Variants in PRSS55 observed in about 807,000 individuals in gnomAD.
PRSS55 encodes serine protease 55.
A neutral mutation model predicts 23.6 loss-of-function variants in PRSS55; 41 were observed. The observed-to-expected ratio is 1.74, with a 90% CI of 1.35 to 2.26. The LOEUF is 2.26. Among genes scored for constraint, PRSS55 ranks in the 30% most tolerant of loss-of-function variants. PRSS55 has a pLI of 0.00. For synonymous variants in PRSS55, 262 were observed against 175.5 expected, an observed-to-expected ratio of 1.49 and a Z score of -3.90; for missense variants, 669 against 439.1, an observed-to-expected ratio of 1.52 and a Z score of -4.68.
At chr8:10,541,660 ATCTC>A (rs1401951474), downstream of PRSS55, 1 of 152,088 alleles carries the variant, frequency 6.6e-6, no homozygotes. Context: ...TATCTAATCT[ATCTC>A]TCCTGTTTTT....
exon 5 of PRSS55, chr8:10,554,069 G>C: frequency 7.2e-7 from 1 of 1,382,644 alleles, no homozygotes; most frequent in Non-Finnish European, 9.8e-7. Context: ...CCATTTTTGG[G>C]GCAGAAAACA....
chr8:10,529,515 G>C lies in PRSS55; in HGVS notation c.163G>C (p.Asp55His). 6.2e-7 allele frequency: 1 copy of C among 1,614,140 alleles called. No homozygotes were observed. The highest frequency in any genetic ancestry group is 2.2e-5 in the East Asian group (1 of 44,890). Reference protein sequence around the residue: ...HPPSPVSECGDRSIFEGRTRY... With the variant: ...HPPSPVSECGHRSIFEGRTRY... ...CTCTTTCTTTCCACCAGAATGTGGT[G>C]ACAGATCTATTTTCGAGGGAAGAAC... The change falls in exon 2 of 5, where the codon GAC becomes CAC. Residue 55 changes from aspartate to histidine, a missense_variant. Coordinates refer to ENST00000328655, the MANE Select transcript of PRSS55 (RefSeq NM_198464.4).
chr8:10,538,437 G>T, intron 4 of PRSS55, 39 bp from the exon 5 acceptor site: 1 of 1,513,430 alleles, frequency 6.6e-7, no homozygotes, highest in South Asian at 1.2e-5. Context: ...GGGCAGCTTA[G>T]AACCGGACTC....
chr8:10,536,567 A>G (rs143435912), intron 4 of PRSS55, among the ~76,000 whole-genome samples: 255 of 152,328 alleles, frequency 1.7e-3, no homozygotes, highest in African/African-American at 5.6e-3. Flanking sequence ...ATGCATGCAT[A>G]TGTTCGTCAC....
At chr8:10,541,797 C>T (rs935410606), downstream of PRSS55, among the ~76,000 whole-genome samples, 2 of 152,108 alleles carry the variant, frequency 1.3e-5, no homozygotes, top group African/African-American at 4.8e-5. Flanking sequence ...CTCACTCTGT[C>T]GCCCAGGCTG....
chr8:10,535,389 G>T (rs866370169), intron 4 of PRSS55, among the ~76,000 whole-genome samples: 1 of 152,096 alleles, frequency 6.6e-6, no homozygotes, highest in Non-Finnish European at 1.5e-5. Context: ...AATGAAATAG[G>T]TTAGAGAACC....
chr8:10,532,850 G>A (rs1021927605), intron 3 of PRSS55, 56 bp from the exon 4 acceptor site: 11 of 1,607,720 alleles, frequency 6.8e-6, no homozygotes, highest in Middle Eastern at 1.7e-4. Context: ...GCTGCATCAC[G>A]AACGTGGGGA....
intron 4 of PRSS55, among the ~76,000 whole-genome samples, chr8:10,537,854 G>A (rs1045439282): frequency 1.3e-5 from 2 of 152,194 alleles, no homozygotes; most frequent in African/African-American, 2.4e-5. Context: ...GTGTGAAGGT[G>A]GACGGAAGGA....
rs772836028 is a variant in PRSS55, at chr8:10,533,001, A to G, written c.694A>G (p.Asn232Asp). The G allele has an allele frequency of 1.2e-6, 2 of 1,614,198 alleles. No individual in the cohort carries two copies. The highest frequency in any genetic ancestry group is 1.7e-6 in the Non-Finnish European group (2 of 1,180,046). ...CSKMFPKLTK[N>D]MLCAGYKNES... ...AAAGATGTTTCCAAAACTTACCAAAAATATGCTGTGTGCCGGATACAAGAA... is the reference window on the plus strand; with the variant it reads ...AAAGATGTTTCCAAAACTTACCAAAGATATGCTGTGTGCCGGATACAAGAA... The change falls in exon 4 of 5, where the codon AAT becomes GAT. Residue 232 changes from asparagine (N) to aspartate (D), a missense_variant. Transcript: ENST00000328655.
At chr8:10,544,158 T>G (rs1029326581) in intron 4 of PRSS55, among the ~76,000 whole-genome samples, 1 of 152,194 alleles carries the variant, frequency 6.6e-6, no homozygotes, top group African/African-American at 2.4e-5. Context: ...TGTCTCTTTC[T>G]TCCTTCAATT....
At chr8:10,527,210 G>A (rs757098350) in intron 1 of PRSS55, among the ~76,000 whole-genome samples, 14 of 152,210 alleles carry the variant, frequency 9.2e-5, no homozygotes, top group Non-Finnish European at 1.5e-4. Context: ...CTAACTTTGT[G>A]GCTGAGAAGT....
Position 10,525,583 on chromosome 8 carries a change from G to C in PRSS55, c.-3G>C. On this transcript the variant is annotated 5_prime_UTR_variant, in exon 1 of 5. Transcript: ENST00000328655. The stretch of plus-strand genomic sequence containing the variant: ...CCCCGGGCCCACAGCACAGCCCAGG[G>C]CCATGCTCCTGTTCTCAGTGTTGCT... 6.2e-7 allele frequency: 1 copy of C among 1,613,778 alleles called. No homozygotes were observed. The highest frequency in any genetic ancestry group is 8.5e-7 in the Non-Finnish European group (1 of 1,179,850).
chr8:10,532,295 G>C (rs1173629533), intron 3 of PRSS55, among the ~76,000 whole-genome samples: 1 of 152,142 alleles, frequency 6.6e-6, no homozygotes, highest in East Asian at 1.9e-4. Context: ...GGAGGCACAT[G>C]GGCATGCACA....
At position 10,529,702 on chromosome 8, in the gene PRSS55, A is replaced by T. The variant is rs771844196; in HGVS notation, c.347+3A>T. Reference sequence around the variant, plus strand: ...TGCTTATATTCCGAGGAGCTGTTGTAAGTACCATGGGCCTCCCACTGCCAC... The same window carrying T: ...TGCTTATATTCCGAGGAGCTGTTGTTAGTACCATGGGCCTCCCACTGCCAC... On this transcript the variant is annotated splice_donor_region_variant and intron_variant, in intron 2 of 4. Transcript: ENST00000328655. The T allele has an allele frequency of 5.9e-5, 95 of 1,610,464 alleles. No individual in the cohort carries two copies. Among genetic ancestry groups the T allele is most frequent in the Non-Finnish European group, 7.5e-5 (88 of 1,177,300 alleles).
chr8:10,530,356 T>A (rs1812207601), intron 2 of PRSS55, among the ~76,000 whole-genome samples: 1 of 152,168 alleles, frequency 6.6e-6, no homozygotes, highest in Non-Finnish European at 1.5e-5. Flanking sequence ...GCGCCTGTAG[T>A]CCCAGCTGTT....
chr8:10,554,061 A>G, exon 5 of PRSS55: 1 of 1,452,216 alleles, frequency 6.9e-7, no homozygotes, highest in Non-Finnish European at 9.2e-7. Flanking sequence ...ACATGGAGCC[A>G]TTTTTGGGGC....
intron 1 of PRSS55, among the ~76,000 whole-genome samples, chr8:10,529,114 G>T (rs1812148365): frequency 2.0e-5 from 3 of 152,202 alleles, no homozygotes; most frequent in African/African-American, 7.2e-5. Flanking sequence ...CAGGTTCTGG[G>T]GACATGGCCC....
intron 4 of PRSS55, among the ~76,000 whole-genome samples, chr8:10,548,507 C>T (rs1812875105): frequency 6.6e-6 from 1 of 152,110 alleles, no homozygotes; most frequent in East Asian, 1.9e-4. Context: ...CGCGGGGCTG[C>T]ACTGGGTCCT....
intron 4 of PRSS55, among the ~76,000 whole-genome samples, chr8:10,550,697 C>A (rs903534965): frequency 3.3e-5 from 5 of 152,186 alleles, no homozygotes; most frequent in Non-Finnish European, 5.9e-5. Context: ...CTGTGTTACC[C>A]TGCGATGTGT....
Sources: gnomAD v4.1 joint callset for allele counts (sites outside exome capture counted in the v4.1 genomes callset) on GRCh38, gnomAD v4.1.1 for gene constraint, MANE v1.5 for transcripts, NCBI Gene and HGNC (gene_info 2026-07-23, HGNC 2026-07-21) for gene names.